PTPRD: variants seen among roughly 807,000 people sequenced by gnomAD.
PTPRD encodes the protein protein tyrosine phosphatase receptor type D, also known as receptor-type tyrosine-protein phosphatase delta.
Under a neutral mutation model 214.5 loss-of-function variants are expected in PTPRD, and 34 were observed. That is an observed-to-expected ratio of 0.16 (90% CI 0.12 to 0.21). The LOEUF is 0.21. Ranked by LOEUF, PTPRD falls within the 10% of genes least tolerant of loss-of-function variation. The probability of loss-of-function intolerance (pLI) is 1.00; values close to 1 mark genes in which losing one functional copy is unlikely to be tolerated. For synonymous variants in PTPRD, 1,128 were observed against 845.7 expected, an observed-to-expected ratio of 1.33 and a Z score of -5.79; for missense variants, 2,545 against 2,398.7, an observed-to-expected ratio of 1.06 and a Z score of -1.27.
At chr9:10,049,280 T>C (rs1266207539) in intron 3 of PTPRD, among the ~76,000 whole-genome samples, 2 of 152,036 alleles carry the variant, frequency 1.3e-5, no homozygotes, top group African/African-American at 4.8e-5. Context: ...CATCATTATT[T>C]TCCTGCTTCT....
intron 9 of PTPRD, among the ~76,000 whole-genome samples, chr9:9,349,149 C>T (rs1344862086): frequency 6.6e-6 from 1 of 152,004 alleles, no homozygotes; most frequent in Non-Finnish European, 1.5e-5. Flanking sequence ...ATAATTCACT[C>T]GACGTAAATC....
At chr9:9,198,623 G>A (rs755126180) in intron 9 of PTPRD, among the ~76,000 whole-genome samples, 44 of 151,980 alleles carry the variant, frequency 2.9e-4, no homozygotes, top group Admixed American at 1.3e-4. Flanking sequence ...TCAATGTGCT[G>A]GATTACCGAG....
At chr9:8,632,149 CTGTG>C (rs956955451) in intron 14 of PTPRD, among the ~76,000 whole-genome samples, 5 of 114,360 alleles carry the variant, frequency 4.4e-5, no homozygotes, top group Non-Finnish European at 7.4e-5. Context: ...GTGTGTGTGT[CTGTG>C]TGTGTGTGTG....
At chr9:8,367,951 T>C (rs1362327046) in intron 39 of PTPRD, among the ~76,000 whole-genome samples, 2 of 152,172 alleles carry the variant, frequency 1.3e-5, no homozygotes, top group Non-Finnish European at 1.5e-5. Context: ...CTTAGAAAGA[T>C]TGTTTAATGT....
intron 3 of PTPRD, among the ~76,000 whole-genome samples, chr9:10,171,709 G>C (rs1343917235): frequency 6.6e-6 from 1 of 152,052 alleles, no homozygotes; most frequent in South Asian, 2.1e-4. Flanking sequence ...ATTTTTAGTA[G>C]AGACGGGGTT....
At chr9:9,988,176 A>G (rs1253704776) in intron 4 of PTPRD, among the ~76,000 whole-genome samples, 2 of 152,118 alleles carry the variant, frequency 1.3e-5, no homozygotes, top group Non-Finnish European at 2.9e-5. Flanking sequence ...AAATTCTGCT[A>G]CAAAACACAT....
At chr9:10,361,048 G>A (rs1211734187) in intron 2 of PTPRD, among the ~76,000 whole-genome samples, 6 of 152,186 alleles carry the variant, frequency 3.9e-5, no homozygotes, top group African/African-American at 4.8e-5. Flanking sequence ...CTTGTAGTGA[G>A]CCGAGATGGA....
intron 2 of PTPRD, among the ~76,000 whole-genome samples, chr9:10,425,152 C>T (rs1258134151): frequency 2.0e-5 from 3 of 151,772 alleles, no homozygotes; most frequent in African/African-American, 7.3e-5. Flanking sequence ...CTCCAGAGAC[C>T]AGTGATAATG....
intron 7 of PTPRD, among the ~76,000 whole-genome samples, chr9:9,682,338 A>G (rs576860783): frequency 7.3e-5 from 11 of 151,696 alleles, no homozygotes; most frequent in African/African-American, 2.4e-4. Flanking sequence ...TATATTTTTT[A>G]TTTTCTAATG....
intron 11 of PTPRD, among the ~76,000 whole-genome samples, chr9:8,756,449 A>C (rs942455056): frequency 2.0e-5 from 3 of 152,250 alleles, no homozygotes; most frequent in African/African-American, 7.2e-5. Context: ...ATGCATAAAA[A>C]ACAATACAGC....
At chr9:10,411,022 T>C (rs913032082) in intron 2 of PTPRD, among the ~76,000 whole-genome samples, 2 of 151,756 alleles carry the variant, frequency 1.3e-5, no homozygotes, top group Non-Finnish European at 2.9e-5. Context: ...AGTCAGGCAC[T>C]AGTACGGAGC....
intron 35 of PTPRD, among the ~76,000 whole-genome samples, chr9:8,430,259 A>AT (rs1424923797): frequency 1.3e-5 from 2 of 150,378 alleles, no homozygotes; most frequent in Non-Finnish European, 3.0e-5. Context: ...ATGCCCATTA[A>AT]TTTTTTTTAT....
At chr9:10,313,876 C>T (rs1017847315) in intron 3 of PTPRD, among the ~76,000 whole-genome samples, 8 of 151,946 alleles carry the variant, frequency 5.3e-5, no homozygotes, top group African/African-American at 1.9e-4. Flanking sequence ...CGATAGGTGC[C>T]ATAGAGAGGT....
chr9:10,571,515 TC>T (rs1438236096), intron 2 of PTPRD, among the ~76,000 whole-genome samples: 5 of 152,190 alleles, frequency 3.3e-5, no homozygotes, highest in African/African-American at 1.2e-4. Flanking sequence ...AAATCCAGGT[TC>T]CCTTACTTAT....
chr9:9,744,424 G>A (rs191684900), intron 6 of PTPRD, among the ~76,000 whole-genome samples: 8 of 152,112 alleles, frequency 5.3e-5, no homozygotes, highest in African/African-American at 1.7e-4. Context: ...CTGCAAGACT[G>A]AGTTTGAGAA....
intron 4 of PTPRD, among the ~76,000 whole-genome samples, chr9:9,949,995 T>G (rs998439162): frequency 6.6e-6 from 1 of 152,228 alleles, no homozygotes; most frequent in Admixed American, 6.5e-5. Flanking sequence ...AACCAAGCTA[T>G]TTCCTTAAGT....
intron 11 of PTPRD, among the ~76,000 whole-genome samples, chr9:8,769,289 TA>T (rs1372165304): frequency 1.3e-5 from 2 of 152,228 alleles, no homozygotes; most frequent in Non-Finnish European, 2.9e-5. Flanking sequence ...TATCTTTGTT[TA>T]GTTTCCTCAC....
At chr9:8,632,129 GTGTGTGTGTGTGTGTGTGTC>G (rs1315817681) in intron 14 of PTPRD, among the ~76,000 whole-genome samples, 2 of 146,010 alleles carry the variant, frequency 1.4e-5, no homozygotes, top group Non-Finnish European at 3.0e-5. Context: ...CTTTGTGTGT[GTGTGTGTGTGTGTGTGTGTC>G]TGTGTGTGTG....
intron 11 of PTPRD, among the ~76,000 whole-genome samples, chr9:8,760,828 A>C (rs73423009): frequency 0.046 from 7,070 of 152,260 alleles, 409 homozygotes; most frequent in African/African-American, 0.14. Context: ...GTACAAGTAA[A>C]GTAGAAAGTA....
Sources: allele counts gnomAD v4.1 joint callset (sites outside exome capture counted in the v4.1 genomes callset), GRCh38; gene constraint gnomAD v4.1.1; transcripts MANE v1.5; gene names NCBI Gene and HGNC (gene_info 2026-07-23, HGNC 2026-07-21).